LTN1: variants seen among roughly 807,000 people sequenced by gnomAD.
The protein encoded by LTN1 is listerin E3 ubiquitin protein ligase 1.
LTN1 carries 88 observed loss-of-function variants against 201.2 expected under a neutral mutation model. The observed-to-expected ratio is 0.44, with a 90% CI of 0.37 to 0.52. LTN1 has a LOEUF of 0.52. Ranked by LOEUF, LTN1 falls within the 20% of genes least tolerant of loss-of-function variation. LTN1 has a pLI of 0.00. For missense variants in LTN1, 1,752 were observed against 2,038.7 expected, an observed-to-expected ratio of 0.86 and a Z score of 2.71; for synonymous variants, 645 against 713.5, an observed-to-expected ratio of 0.90 and a Z score of 1.53.
rs191177709 is a variant in LTN1, at chr21:28,936,415, A to G, written c.4654+111T>C. The stretch of plus-strand genomic sequence containing the variant: ...GAAAATGGTCAATTTCAACATTCTC[A>G]TAGCCAGGACCCACCTTTGGGGTTA... On this transcript the variant is annotated intron_variant, in intron 26 of 29. Transcript: ENST00000361371. 70 of 765,806 alleles carry G rather than the reference A, an allele frequency of 9.1e-5. No homozygotes were observed. In the African/African-American group the frequency reaches 1.1e-3, roughly 12 times the overall value. 47.4% of individuals were successfully genotyped at this position (765,806 alleles called of 1,614,324 possible).
At chr21:28,935,071 A>T in intron 27 of LTN1, 38 bp downstream of exon 27, 1 of 1,383,470 alleles carries the variant, frequency 7.2e-7, no homozygotes, top group Non-Finnish European at 1.0e-6. Flanking sequence ...ACCCAATATT[A>T]AAACAACTTT....
Position 28,986,965 on chromosome 21 carries a change from G to C in LTN1, c.43-31C>G. On this transcript the variant is annotated intron_variant, in intron 1 of 29. Coordinates refer to ENST00000361371, the MANE Select transcript of LTN1 (RefSeq NM_015565.3). The surrounding 1 kb of genome is among the most constrained non-coding windows in gnomAD (Gnocchi z 4.1). The stretch of plus-strand genomic sequence containing the variant: ...AAGAAAATTACGGAGAAAAAAGTCA[G>C]AGTCCAGGAAGGGTTCAAAACTTAA... 1 of 1,512,172 alleles carries C rather than the reference G, an allele frequency of 6.6e-7. No individual in the cohort carries two copies. The highest frequency in any genetic ancestry group is 9.2e-7 in the Non-Finnish European group (1 of 1,087,424). 93.7% of individuals were successfully genotyped at this position (1,512,172 alleles called of 1,614,324 possible).
At position 28,964,738 on chromosome 21, in the gene LTN1, A is replaced by T. The variant is rs180788955; in HGVS notation, c.2163+1127T>A. 520 of 1,550,392 alleles carry T rather than the reference A, an allele frequency of 3.4e-4. 5 individuals are homozygous for T. The African/African-American group carries it at 6.5e-3, about 19-fold the overall frequency. Reference sequence around the variant, plus strand: ...GAGGATTTTCTTCCACACAGATGTGAGTATTTGCACTTCACGGCAGGTACA... The same window carrying T: ...GAGGATTTTCTTCCACACAGATGTGTGTATTTGCACTTCACGGCAGGTACA... On this transcript the variant is annotated intron_variant, in intron 11 of 29. Transcript: ENST00000361371.
In LTN1 at chr21:28,956,963, C is replaced by A. The variant is rs774039582; in HGVS notation, c.2893-15G>T. On this transcript the variant is annotated splice_polypyrimidine_tract_variant and intron_variant, in intron 15 of 29. Transcript: ENST00000361371. The stretch of plus-strand genomic sequence containing the variant: ...CTATGTAACCACTGTGAAAAGAATA[C>A]GTTATATACAAAATTATTTATTACC... 2 of 1,467,318 alleles carry A rather than the reference C, an allele frequency of 1.4e-6. No individual in the cohort carries two copies. Among genetic ancestry groups the A allele is most frequent in the Admixed American group, 4.4e-5 (2 of 45,626 alleles). The allele number at this position is 1,467,318 out of a possible 1,614,324, so 90.9% of individuals were successfully genotyped here. A position where few individuals can be genotyped will look rare whatever the true frequency, so the allele number is the denominator to read the frequency against.
At chr21:28,944,126 T>C (rs1477856573) in intron 22 of LTN1, among the ~76,000 whole-genome samples, 1 of 152,226 alleles carries the variant, frequency 6.6e-6, no homozygotes, top group Non-Finnish European at 1.5e-5. Flanking sequence ...AGCAAGGTTC[T>C]ATTCACATCA....
At chr21:28,945,711 A>T in intron 21 of LTN1, 96 bp downstream of exon 21, 1 of 1,134,938 alleles carries the variant, frequency 8.8e-7, no homozygotes, top group Non-Finnish European at 1.2e-6. Context: ...GGAACCAATT[A>T]CAATCATCAC....
intron 27 of LTN1, among the ~76,000 whole-genome samples, chr21:28,932,907 T>G (rs911951619): frequency 2.0e-5 from 3 of 152,316 alleles, no homozygotes; most frequent in East Asian, 1.9e-4. Flanking sequence ...AAAAAAGGTT[T>G]TATTATATTA....
Position 28,986,976 on chromosome 21 carries a change from G to C in LTN1, c.43-42C>G. ...GGAGAAAAAAGTCAGAGTCCAGGAA[G>C]GGTTCAAAACTTAACTTTATAATTC... On this transcript the variant is annotated intron_variant, in intron 1 of 29. Transcript: ENST00000361371. This position sits in a 1 kb window ranked among gnomAD's most constrained non-coding sequence, Gnocchi z 4.1. 1 of 1,387,740 alleles carries C rather than the reference G, an allele frequency of 7.2e-7. No individual in the cohort carries two copies. The highest frequency in any genetic ancestry group is 1.2e-5 in the South Asian group (1 of 86,268). The allele number at this position is 1,387,740 out of a possible 1,614,324, so 86.0% of individuals were successfully genotyped here.
At position 28,992,850 on chromosome 21, in the gene LTN1, C is replaced by T; in HGVS notation, c.-45G>A. The T allele has an allele frequency of 6.2e-7, 1 of 1,614,066 alleles. No individual in the cohort carries two copies. The highest frequency in any genetic ancestry group is 8.5e-7 in the Non-Finnish European group (1 of 1,179,966). On this transcript the variant is annotated 5_prime_UTR_variant, in exon 1 of 30. Coordinates refer to ENST00000361371, the MANE Select transcript of LTN1 (RefSeq NM_015565.3). ...CTCTGAGCACTCAGACCCCGGTTGA[C>T]ACGTCCGGGACACAACTTCCGGCTT...
chr21:28,959,081 T>C (rs535554287), intron 13 of LTN1, among the ~76,000 whole-genome samples: 1 of 152,318 alleles, frequency 6.6e-6, no homozygotes, highest in East Asian at 1.9e-4. Context: ...CAATTCTATT[T>C]TGATATACAC....
chr21:28,984,859 T>C lies in LTN1; in HGVS notation c.409A>G (p.Lys137Glu). The C allele has an allele frequency of 1.2e-6, 2 of 1,614,148 alleles. No homozygotes were observed. Among genetic ancestry groups the C allele is most frequent in the Non-Finnish European group, 1.7e-6 (2 of 1,180,008 alleles). The change falls in exon 4 of 30, where the codon AAG becomes GAG. Residue 137 changes from lysine (K) to glutamate (E), a missense_variant. This residue lies in a region of LTN1 where 280 missense variants were observed against 375.7 expected (regional missense o/e 0.75). Coordinates refer to ENST00000361371, the MANE Select transcript of LTN1 (RefSeq NM_015565.3). Reference protein sequence around the residue: ...QAFEKLILKVKKQLAPYLKSL... With the variant: ...QAFEKLILKVEKQLAPYLKSL... ...TTTAAGTAGGGAGCCAACTGTTTCT[T>C]TACTTTAAGGATAAGTTTTTCAAAA...
chr21:28,941,148 A>G, intron 25 of LTN1, 72 bp downstream of exon 25: 1 of 995,156 alleles, frequency 1.0e-6, no homozygotes, highest in Non-Finnish European at 1.5e-6. Context: ...TTAAACTGAA[A>G]GGAAGGTATT....
chr21:28,978,997 T>C (rs2084637841), intron 6 of LTN1, among the ~76,000 whole-genome samples: 1 of 152,114 alleles, frequency 6.6e-6, no homozygotes, highest in Non-Finnish European at 1.5e-5. Context: ...GGTTATGTAG[T>C]AGCAGCTGAA....
At chr21:28,930,545 T>A in intron 29 of LTN1, 35 bp from the exon 30 acceptor site, 1 of 1,424,668 alleles carries the variant, frequency 7.0e-7, no homozygotes, top group Non-Finnish European at 9.9e-7. Flanking sequence ...CTAAAAGAAC[T>A]TTTAAAGTTC....
intron 28 of LTN1, among the ~76,000 whole-genome samples, chr21:28,932,232 A>G (rs889541322): frequency 2.0e-5 from 3 of 152,206 alleles, no homozygotes; most frequent in African/African-American, 7.2e-5. Context: ...TACACCTTCT[A>G]CAGTGTTAAT....
chr21:28,936,630 A>T lies in LTN1; in HGVS notation c.4550T>A (p.Phe1517Tyr). Residue 1517 changes from phenylalanine to tyrosine, a missense_variant, in exon 26 of 30, where the codon TTC becomes TAC. This residue lies in a region of LTN1 where 261 missense variants were observed against 350.1 expected (regional missense o/e 0.75). Coordinates refer to ENST00000361371, the MANE Select transcript of LTN1 (RefSeq NM_015565.3). ...GGTTGGATTTTCTGGCATAAGCCTGAACAGGTGATAGAGCAATTTATTCAA... is the reference window on the plus strand; with the variant it reads ...GGTTGGATTTTCTGGCATAAGCCTGTACAGGTGATAGAGCAATTTATTCAA... The part of the protein sequence containing the change: ...KSLNKLLYHL[F>Y]RLMPENPTYA... 1 of 1,614,036 alleles carries T rather than the reference A, an allele frequency of 6.2e-7. No homozygotes were observed. Among genetic ancestry groups the T allele is most frequent in the Non-Finnish European group, 8.5e-7 (1 of 1,179,918 alleles).
At chr21:28,964,476 A>T (rs1335611345) in intron 11 of LTN1, 1 of 1,074,784 alleles carries the variant, frequency 9.3e-7, no homozygotes, top group Non-Finnish European at 1.3e-6. Flanking sequence ...ATGTTATTGC[A>T]CACTTAATAG....
rs759484306 is a variant in LTN1, at chr21:28,986,119, A to C, written c.345+20T>G. ...AAAAAATATACAACAGAAATAAACT[A>C]GCAAAGTTTTAATACTTACAAGTGA... On this transcript the variant is annotated intron_variant, in intron 3 of 29. Coordinates refer to ENST00000361371, the MANE Select transcript of LTN1 (RefSeq NM_015565.3). The surrounding 1 kb of genome is among the most constrained non-coding windows in gnomAD (Gnocchi z 4.1). The C allele has an allele frequency of 7.3e-7, 1 of 1,361,884 alleles. No individual in the cohort carries two copies. Among genetic ancestry groups the C allele is most frequent in the Non-Finnish European group, 1.1e-6 (1 of 952,202 alleles). 84.4% of individuals were successfully genotyped at this position (1,361,884 alleles called of 1,614,324 possible). A position where few individuals can be genotyped will look rare whatever the true frequency, so the allele number is the denominator to read the frequency against.
chr21:28,979,076 A>C (rs1313756272), intron 6 of LTN1, among the ~76,000 whole-genome samples: 2 of 152,252 alleles, frequency 1.3e-5, no homozygotes, highest in African/African-American at 2.4e-5. Context: ...TGAAGGCTAG[A>C]ATATAAGGTT....
Sources: allele counts gnomAD v4.1 joint callset (sites outside exome capture counted in the v4.1 genomes callset), GRCh38; gene constraint gnomAD v4.1.1; regional missense constraint gnomAD v4.1.1; non-coding constraint Gnocchi (gnomAD v3.1); transcripts MANE v1.5; gene names NCBI Gene and HGNC (gene_info 2026-07-23, HGNC 2026-07-21).